Variants in PIK3R6 observed in about 807,000 individuals in gnomAD.
The protein encoded by PIK3R6 is phosphoinositide-3-kinase regulatory subunit 6.
PIK3R6 carries 91 observed loss-of-function variants against 84.9 expected under a neutral mutation model. The observed-to-expected ratio is 1.07, with a 90% CI of 0.90 to 1.28. The LOEUF (loss-of-function observed/expected upper bound fraction) is 1.28. PIK3R6 is among the 50% of genes most tolerant of loss of function. The pLI, the probability that PIK3R6 is intolerant of heterozygous loss-of-function variation, is 0.00. For missense variants in PIK3R6, 996 were observed against 985.1 expected (o/e 1.01, Z -0.15); for synonymous variants, 416 against 411.4 (o/e 1.01, Z -0.13).
rs2087780433 is a variant in PIK3R6 at position 8,822,675 on chromosome 17, G to C, written c.1718-18C>G. On this transcript the variant is annotated intron_variant, in intron 15 of 19. Coordinates refer to ENST00000619866, the MANE Select transcript of PIK3R6 (RefSeq NM_001010855.4). ...AAAGCCATCTGTGGGGAGATGAGAA[G>C]AGGCTTGGGGTGGAGGTTCCCAGGC... 1 of 1,612,338 alleles carries C rather than the reference G, an allele frequency of 6.2e-7. No individual in the cohort carries two copies. Among genetic ancestry groups the C allele is most frequent in the Non-Finnish European group, 8.5e-7 (1 of 1,179,260 alleles).
In PIK3R6 at chr17:8,828,287, T is replaced by G; in HGVS notation, c.1314-97A>C. Reference sequence around the variant, plus strand: ...TGTTATCTCTTGACCTTGGGCAATTTGTGTCATCTTTCTGAGCCTCTGCTT... The same window carrying G: ...TGTTATCTCTTGACCTTGGGCAATTGGTGTCATCTTTCTGAGCCTCTGCTT... On this transcript the variant is annotated intron_variant, in intron 11 of 19. Coordinates refer to ENST00000619866, the MANE Select transcript of PIK3R6 (RefSeq NM_001010855.4). 3.9e-6 allele frequency: 5 copies of G among 1,290,294 alleles called. No homozygotes were observed. In the East Asian group the frequency reaches 1.2e-4, roughly 30 times the overall value. The allele number at this position is 1,290,294 out of a possible 1,614,324, so 79.9% of individuals were successfully genotyped here. A position where few individuals can be genotyped will look rare whatever the true frequency, so the allele number is the denominator to read the frequency against.
rs2089314530 is a variant in PIK3R6, at chr17:8,862,831, G to T, written c.-92+4698C>A. Among the ~76,000 whole-genome samples, 1 of 152,172 alleles carries T rather than the reference G, an allele frequency of 6.6e-6. No individual in the cohort carries two copies. The highest frequency in any genetic ancestry group is 6.5e-5 in the Admixed American group (1 of 15,276). ...AGCCAAAATAGGCAGCGGGAAAGTG[G>T]CTGAGGGACAAATCCCAACAACCTG... On this transcript the variant is annotated intron_variant, in intron 1 of 19. Coordinates refer to ENST00000619866, the MANE Select transcript of PIK3R6 (RefSeq NM_001010855.4). This position sits in a 1 kb window ranked among gnomAD's most constrained non-coding sequence, Gnocchi z 4.3.
intron 9 of PIK3R6, among the ~76,000 whole-genome samples, chr17:8,830,395 CTCCG>C (rs2088193422): frequency 6.6e-6 from 1 of 152,256 alleles, no homozygotes; most frequent in East Asian, 1.9e-4. Flanking sequence ...TGGTCATTCC[CTCCG>C]AGCAGACTGT....
chr17:8,814,166 A>C (rs2087450428), intron 18 of PIK3R6, among the ~76,000 whole-genome samples: 1 of 146,104 alleles, frequency 6.8e-6, no homozygotes, highest in African/African-American at 2.6e-5. Flanking sequence ...TGAGAAGCCC[A>C]CCATTGACCC....
intron 1 of PIK3R6, among the ~76,000 whole-genome samples, chr17:8,855,110 T>C (rs1189721210): frequency 2.0e-5 from 3 of 152,022 alleles, no homozygotes; most frequent in African/African-American, 7.2e-5. Context: ...GGAGAATCAC[T>C]TGAACCCGGG....
chr17:8,861,810 C>T (rs907777893), intron 1 of PIK3R6, among the ~76,000 whole-genome samples: 2 of 152,126 alleles, frequency 1.3e-5, no homozygotes, highest in Admixed American at 1.3e-4. Flanking sequence ...TGTCAGTCAG[C>T]CAAGGAGAAG....
Position 8,831,328 on chromosome 17 carries a change from T to TAAAAAAAAAAAAA in PIK3R6, c.802+1548_803-1537dup, listed in dbSNP as rs60650147. Among the ~76,000 whole-genome samples the TAAAAAAAAAAAAA allele has an allele frequency of 2.1e-4, 7 of 33,080 alleles. 1 individual carries two copies. The highest frequency in any genetic ancestry group is 4.5e-4 in the Admixed American group (1 of 2,218). 21.7% of individuals were successfully genotyped at this position (33,080 alleles called of 152,430 possible). A position where few individuals can be genotyped will look rare whatever the true frequency, so the allele number is the denominator to read the frequency against. ...CTGGGTGACAGAGCAAGACCCTGTCTAAAAAAAAAAAAAAAAAAAAAAAAA... is the reference window on the plus strand; with the variant it reads ...CTGGGTGACAGAGCAAGACCCTGTCTAAAAAAAAAAAAAAAAAAAAAAAAAAAAAAAAAAAAAA... On this transcript the variant is annotated intron_variant, in intron 9 of 19. Transcript: ENST00000619866.
At position 8,843,043 on chromosome 17, in the gene PIK3R6, T is replaced by C. The variant is rs112646610; in HGVS notation, c.14-3346A>G. 5.7e-3 allele frequency among the ~76,000 whole-genome samples: 872 copies of C among 152,208 alleles called. 5 individuals are homozygous for C. The highest frequency in any genetic ancestry group is 0.019 in the African/African-American group (805 of 41,520). On this transcript the variant is annotated intron_variant, in intron 2 of 19. Coordinates refer to ENST00000619866, the MANE Select transcript of PIK3R6 (RefSeq NM_001010855.4). ...CCACTTGGCAAGGCCTGGTCCTGAA[T>C]CTCCTCCAGGCTGAGAGTGGACAGG...
intron 1 of PIK3R6, among the ~76,000 whole-genome samples, chr17:8,851,650 T>C (rs2088974135): frequency 6.6e-6 from 1 of 152,212 alleles, no homozygotes; most frequent in African/African-American, 2.4e-5. Context: ...GAGGATGTGG[T>C]GCATTGCTGG....
intron 2 of PIK3R6, among the ~76,000 whole-genome samples, chr17:8,843,508 T>C (rs1276090989): frequency 1.3e-5 from 2 of 152,254 alleles, no homozygotes; most frequent in East Asian, 3.9e-4. Flanking sequence ...AATAGAGAAG[T>C]TGCCAGTAGC....
At chr17:8,860,731 C>T (rs1052993570) in intron 1 of PIK3R6, among the ~76,000 whole-genome samples, 2 of 152,130 alleles carry the variant, frequency 1.3e-5, no homozygotes, top group African/African-American at 4.8e-5. Context: ...CGTGTGGCAA[C>T]AATTAGCTGG....
chr17:8,835,197 A>C, intron 8 of PIK3R6, 76 bp downstream of exon 8: 1 of 1,309,490 alleles, frequency 7.6e-7, no homozygotes, highest in Non-Finnish European at 1.0e-6. Context: ...AAGGAGGAAG[A>C]GCAGGGTGAA....
intron 18 of PIK3R6, among the ~76,000 whole-genome samples, chr17:8,806,358 G>A (rs577133651): frequency 1.3e-5 from 2 of 152,290 alleles, no homozygotes; most frequent in South Asian, 4.1e-4. Flanking sequence ...GGTGTCTCTG[G>A]CAGGATTTGG....
At chr17:8,851,873 C>T (rs1370277553) in intron 1 of PIK3R6, among the ~76,000 whole-genome samples, 2 of 152,116 alleles carry the variant, frequency 1.3e-5, no homozygotes, top group Non-Finnish European at 2.9e-5. Flanking sequence ...AAATGTCCAT[C>T]AACAGAGAAG....
intron 18 of PIK3R6, among the ~76,000 whole-genome samples, chr17:8,810,462 G>A (rs1013143436): frequency 6.7e-6 from 1 of 148,232 alleles, no homozygotes; most frequent in Admixed American, 6.9e-5. Flanking sequence ...ACAGTCCCCT[G>A]TCTTAACTCA....
chr17:8,843,102 T>C (rs1207298490), intron 2 of PIK3R6, among the ~76,000 whole-genome samples: 11 of 152,188 alleles, frequency 7.2e-5, no homozygotes, highest in Non-Finnish European at 1.6e-4. Context: ...CTGGTCCCTC[T>C]GCTGGGCAGA....
chr17:8,852,401 T>C lies in PIK3R6; in HGVS notation c.-91-2516A>G, dbSNP rs533160555. ...TCAGCAATGGATTGTAATTATAATG[T>C]ACTACAATTTCAGCCTACTGACAAT... is the stretch of plus-strand genomic sequence containing the variant. On this transcript the variant is annotated intron_variant, in intron 1 of 19. Transcript: ENST00000619866. Among the ~76,000 whole-genome samples the C allele has an allele frequency of 1.9e-4, 29 of 152,330 alleles. 2 individuals carry two copies. In the South Asian group the frequency reaches 5.4e-3, roughly 28 times the overall value.
At chr17:8,805,519 T>C (rs1320689765) in intron 18 of PIK3R6, among the ~76,000 whole-genome samples, 1 of 152,038 alleles carries the variant, frequency 6.6e-6, no homozygotes, top group Non-Finnish European at 1.5e-5. Flanking sequence ...GGGTGAGCTG[T>C]GAGTAAAGAC....
intron 1 of PIK3R6, among the ~76,000 whole-genome samples, chr17:8,852,395 A>G (rs562461627): frequency 3.9e-5 from 6 of 152,240 alleles, no homozygotes; most frequent in Non-Finnish European, 8.8e-5. Flanking sequence ...GATTGTAATT[A>G]TAATGTACTA....
Sources: gnomAD v4.1 joint callset for allele counts (sites outside exome capture counted in the v4.1 genomes callset) on GRCh38, gnomAD v4.1.1 for gene constraint, Gnocchi (gnomAD v3.1) non-coding constraint, MANE v1.5 for transcripts, NCBI Gene and HGNC (gene_info 2026-07-23, HGNC 2026-07-21) for gene names.